The following TAFA4 variants were observed in gnomAD, a reference collection of about 807,000 sequenced individuals.
TAFA4 encodes chemokine-like protein TAFA-4.
Under a neutral mutation model 21.1 loss-of-function variants are expected in TAFA4, and 20 were observed. That is an observed-to-expected ratio of 0.95 (90% CI 0.67 to 1.38). TAFA4 has a LOEUF of 1.38. TAFA4 is among the 40% of genes most tolerant of loss of function. The pLI is 0.00. For synonymous variants in TAFA4, 71 were observed against 67.4 expected (o/e 1.05, Z -0.26); for missense variants, 211 against 180.9 (o/e 1.17, Z -0.95).
chr3:68,924,385 C>T (rs945686114), intron 1 of TAFA4, among the ~76,000 whole-genome samples: 6 of 146,332 alleles, frequency 4.1e-5, no homozygotes, highest in African/African-American at 1.1e-4. Context: ...CACAAAAGAA[C>T]GAATAATGTT....
chr3:68,920,816 A>G (rs893760966), intron 1 of TAFA4, among the ~76,000 whole-genome samples: 1 of 152,014 alleles, frequency 6.6e-6, no homozygotes, highest in Admixed American at 6.6e-5. Flanking sequence ...CACACATGCC[A>G]TGTTCTACAG....
intron 3 of TAFA4, 38 bp downstream of exon 3, chr3:68,880,692 A>G: frequency 2.6e-6 from 4 of 1,555,054 alleles, no homozygotes; most frequent in Non-Finnish European, 3.5e-6. Context: ...GAGGGGTTTT[A>G]TTATCTCAGC....
At chr3:68,796,210 T>C (rs1703451422) in intron 3 of TAFA4, among the ~76,000 whole-genome samples, 1 of 152,146 alleles carries the variant, frequency 6.6e-6, no homozygotes, top group Non-Finnish European at 1.5e-5. Flanking sequence ...GCAGTGGGCA[T>C]ATATAACAAT....
chr3:68,828,310 T>C (rs1405176893), intron 3 of TAFA4, among the ~76,000 whole-genome samples: 2 of 152,202 alleles, frequency 1.3e-5, no homozygotes, highest in Non-Finnish European at 2.9e-5. Flanking sequence ...TCAGGTAGCA[T>C]AATGCCTCCA....
rs565432100 is a variant in TAFA4 at position 68,816,176 on chromosome 3, G to T, written c.131-63158C>A. 2.0e-4 allele frequency among the ~76,000 whole-genome samples: 31 copies of T among 152,148 alleles called. 1 individual carries two copies. The highest frequency in any genetic ancestry group is 6.0e-4 in the African/African-American group (25 of 41,516). On this transcript the variant is annotated intron_variant, in intron 3 of 5. Coordinates refer to ENST00000295569, the MANE Select transcript of TAFA4 (RefSeq NM_182522.5). ...ACCGGGGCCTGTTGTGGAGTGGGGG[G>T]AGGGAGGAGGGATAGCATTAGGAGA...
chr3:68,847,934 T>C (rs1196961189), intron 3 of TAFA4, among the ~76,000 whole-genome samples: 7 of 152,218 alleles, frequency 4.6e-5, no homozygotes, highest in African/African-American at 1.7e-4. Context: ...CATTTTCAAG[T>C]TTCTACTTTG....
intron 1 of TAFA4, among the ~76,000 whole-genome samples, chr3:68,925,899 GAC>G (rs2090103698): frequency 6.6e-6 from 1 of 152,128 alleles, no homozygotes; most frequent in African/African-American, 2.4e-5. Context: ...AACAAAGCAG[GAC>G]ACAGATCATA....
intron 3 of TAFA4, among the ~76,000 whole-genome samples, chr3:68,854,577 C>T (rs1490938587): frequency 1.3e-5 from 2 of 152,008 alleles, no homozygotes; most frequent in Non-Finnish European, 2.9e-5. Flanking sequence ...TACAGTTCCA[C>T]AGAATAAAGA....
chr3:68,862,285 T>C (rs2089355228), intron 3 of TAFA4, among the ~76,000 whole-genome samples: 3 of 152,108 alleles, frequency 2.0e-5, no homozygotes, highest in Admixed American at 1.3e-4. Flanking sequence ...CAAACACATA[T>C]TGTAAGTGCA....
rs144341249 is a variant in TAFA4 at position 68,870,256 on chromosome 3, T to C, written c.130+10474A>G. ...TCATGGGTTAGAAGAATTAATATTG[T>C]TAAAATGTCAATACTACCCAAAGTG... is the stretch of plus-strand genomic sequence containing the variant. On this transcript the variant is annotated intron_variant, in intron 3 of 5. Transcript: ENST00000295569. 5.9e-5 allele frequency among the ~76,000 whole-genome samples: 9 copies of C among 152,186 alleles called. No individual in the cohort carries two copies. The East Asian group carries it at 1.7e-3, about 29-fold the overall frequency.
intron 1 of TAFA4, among the ~76,000 whole-genome samples, chr3:68,900,852 A>T (rs2089838000): frequency 6.6e-6 from 1 of 152,320 alleles, no homozygotes; most frequent in East Asian, 1.9e-4. Flanking sequence ...ATTTTTAACC[A>T]AAGATACTTT....
At chr3:68,859,141 AAC>A (rs1446046185) in intron 3 of TAFA4, among the ~76,000 whole-genome samples, 1 of 152,172 alleles carries the variant, frequency 6.6e-6, no homozygotes, top group African/African-American at 2.4e-5. Flanking sequence ...CAATTCAAAA[AAC>A]AGTTATTAAA....
In TAFA4 at chr3:68,864,814, T is replaced by C. The variant is rs560199753; in HGVS notation, c.130+15916A>G. The stretch of plus-strand genomic sequence containing the variant: ...TTTAGTTAAAAAAAGAACCCATATA[T>C]ATGCAGCAACATGGAAGAATCATAG... On this transcript the variant is annotated intron_variant, in intron 3 of 5. Transcript: ENST00000295569. Among the ~76,000 whole-genome samples, 10 of 152,000 alleles carry C rather than the reference T, an allele frequency of 6.6e-5. No homozygotes were observed. The South Asian group carries it at 2.1e-3, about 32-fold the overall frequency.
chr3:68,734,496 G>A (rs1702204829), intron 5 of TAFA4, among the ~76,000 whole-genome samples: 1 of 152,100 alleles, frequency 6.6e-6, no homozygotes, highest in South Asian at 2.1e-4. Flanking sequence ...TAAATGCAAG[G>A]ACTTTGGCCT....
At chr3:68,893,553 A>G (rs1164283745) in intron 1 of TAFA4, among the ~76,000 whole-genome samples, 1 of 152,222 alleles carries the variant, frequency 6.6e-6, no homozygotes, top group African/African-American at 2.4e-5. Flanking sequence ...AAACAAATAC[A>G]GTTTAACCGG....
Position 68,745,272 on chromosome 3 carries a change from A to T in TAFA4, c.287-6073T>A, listed in dbSNP as rs529216387. Among the ~76,000 whole-genome samples, 15 of 152,340 alleles carry T rather than the reference A, an allele frequency of 9.8e-5. No homozygotes were observed. In the South Asian group the frequency reaches 1.9e-3, roughly 19 times the overall value. On this transcript the variant is annotated intron_variant, in intron 4 of 5. Transcript: ENST00000295569. ...AAGGACTCAGAAGTAGGATTTTATTAAAGTTACTGGTGAGAACATCTGCCC... is the reference window on the plus strand; with the variant it reads ...AAGGACTCAGAAGTAGGATTTTATTTAAGTTACTGGTGAGAACATCTGCCC...
At chr3:68,824,790 A>AG (rs1433984591) in intron 3 of TAFA4, among the ~76,000 whole-genome samples, 3 of 152,182 alleles carry the variant, frequency 2.0e-5, no homozygotes, top group Non-Finnish European at 2.9e-5. Context: ...GCAGGCAGCA[A>AG]GGGGCAGAAC....
At chr3:68,790,406 A>G (rs1442428158) in intron 3 of TAFA4, among the ~76,000 whole-genome samples, 1 of 152,234 alleles carries the variant, frequency 6.6e-6, no homozygotes, top group East Asian at 1.9e-4. Flanking sequence ...AGAAAACAAT[A>G]AAATGGTAAA....
chr3:68,857,543 A>G (rs1705097417), intron 3 of TAFA4, among the ~76,000 whole-genome samples: 1 of 152,194 alleles, frequency 6.6e-6, no homozygotes, highest in Admixed American at 6.5e-5. Flanking sequence ...AGCTTTTTAA[A>G]ACCATGAATA....
Sources: gnomAD v4.1 joint callset for allele counts (sites outside exome capture counted in the v4.1 genomes callset) on GRCh38, gnomAD v4.1.1 for gene constraint, MANE v1.5 for transcripts, NCBI Gene and HGNC (gene_info 2026-07-23, HGNC 2026-07-21) for gene names.